Variants in DNAAF11 observed in about 807,000 individuals in gnomAD.
DNAAF11 encodes the protein dynein axonemal assembly factor 11.
A neutral mutation model predicts 60.8 loss-of-function variants in DNAAF11; 45 were observed. The observed-to-expected ratio is 0.74, with a 90% CI of 0.58 to 0.95. The LOEUF (loss-of-function observed/expected upper bound fraction) is 0.95, where lower values mean the gene tolerates loss of function less well. DNAAF11 is among the 40% of genes least tolerant of loss of function. The pLI, the probability that DNAAF11 is intolerant of heterozygous loss-of-function variation, is 0.00. For missense variants in DNAAF11, 546 were observed against 546.2 expected (o/e 1.00, Z 0.00); for synonymous variants, 191 against 183.5 (o/e 1.04, Z -0.33).
At chr8:132,659,464 C>T (rs982854748) in intron 2 of DNAAF11, among the ~76,000 whole-genome samples, 1 of 152,092 alleles carries the variant, frequency 6.6e-6, no homozygotes, top group Non-Finnish European at 1.5e-5. Flanking sequence ...ATACCATGCT[C>T]CTAATTAGTA....
Position 132,632,976 on chromosome 8 carries a change from C to T in DNAAF11, c.430-13G>A. 6.4e-7 allele frequency: 1 copy of T among 1,572,654 alleles called. No individual in the cohort carries two copies. The highest frequency in any genetic ancestry group is 8.7e-7 in the Non-Finnish European group (1 of 1,144,470). Reference sequence around the variant, plus strand: ...TACCATCCAACCACTTAAAGAAAAACAATAAATATAGTACAATTGTTCAAA... The same window carrying T: ...TACCATCCAACCACTTAAAGAAAAATAATAAATATAGTACAATTGTTCAAA... On this transcript the variant is annotated splice_polypyrimidine_tract_variant and intron_variant, in intron 4 of 11. Transcript: ENST00000620350.
rs1586523226 is a variant in DNAAF11 at position 132,596,231 on chromosome 8, T to G, written c.1141-12452A>C. Among the ~76,000 whole-genome samples the G allele has an allele frequency of 2.0e-5, 3 of 152,210 alleles. No individual in the cohort carries two copies. The South Asian group carries it at 6.2e-4, about 31-fold the overall frequency. On this transcript the variant is annotated intron_variant, in intron 10 of 11. Coordinates refer to ENST00000620350, the MANE Select transcript of DNAAF11 (RefSeq NM_012472.6). ...ATTGATTCTCAGGCCAATAATTTGC[T>G]AATATTTATATTATGAGGAAAATTT...
chr8:132,623,422 A>G (rs1819952587), intron 6 of DNAAF11, among the ~76,000 whole-genome samples: 1 of 152,026 alleles, frequency 6.6e-6, no homozygotes, highest in Admixed American at 6.5e-5. Flanking sequence ...AATTACAAAG[A>G]GCAAAAAAAA....
Position 132,592,511 on chromosome 8 carries a change from A to C in DNAAF11, c.1141-8732T>G, listed in dbSNP as rs142298399. 1.1e-3 allele frequency among the ~76,000 whole-genome samples: 169 copies of C among 152,272 alleles called. 1 individual carries two copies. The highest frequency in any genetic ancestry group is 3.9e-3 in the African/African-American group (161 of 41,576). On this transcript the variant is annotated intron_variant, in intron 10 of 11. Transcript: ENST00000620350. ...CAGTAGGAGCTGAGGTTGTGGATGTAAGCAGGGTCTACAGCATGCAGGAAT... is the reference window on the plus strand; with the variant it reads ...CAGTAGGAGCTGAGGTTGTGGATGTCAGCAGGGTCTACAGCATGCAGGAAT...
At chr8:132,677,704 A>C (rs1825809451), upstream of DNAAF11, among the ~76,000 whole-genome samples, 1 of 152,044 alleles carries the variant, frequency 6.6e-6, no homozygotes, top group Admixed American at 6.5e-5. Context: ...TGATCACTGC[A>C]CTCCATCCTG....
At chr8:132,693,930 C>T in the DNAAF11 span, among the ~76,000 whole-genome samples, 1 of 152,234 alleles carries the variant, frequency 6.6e-6, no homozygotes, top group South Asian at 2.1e-4. Flanking sequence ...AGAACTTTGG[C>T]TTTTCCTTGA....
At chr8:132,684,973 C>A in the DNAAF11 span, 1 of 152,176 alleles carries the variant, frequency 6.6e-6, no homozygotes, top group East Asian at 1.9e-4. Flanking sequence ...CACACATTTC[C>A]ACACAATGAA....
Position 132,583,562 on chromosome 8 carries a change from C to G in DNAAF11, c.1226+132G>C. 2.9e-6 allele frequency: 2 copies of G among 700,754 alleles called. 1 individual carries two copies. The highest frequency in any genetic ancestry group is 3.7e-5 in the South Asian group (2 of 54,394). The allele number at this position is 700,754 out of a possible 1,614,324, so 43.4% of individuals were successfully genotyped here. On this transcript the variant is annotated intron_variant, in intron 11 of 11. Transcript: ENST00000620350. Reference sequence around the variant, plus strand: ...AAGAGTCTACGGTTTGGGAAATAAACATTAACATTCATGGTATGAATCATC... The same window carrying G: ...AAGAGTCTACGGTTTGGGAAATAAAGATTAACATTCATGGTATGAATCATC...
intron 3 of DNAAF11, among the ~76,000 whole-genome samples, chr8:132,651,472 C>A (rs899195420): frequency 1.3e-5 from 2 of 151,990 alleles, no homozygotes; most frequent in Non-Finnish European, 2.9e-5. Flanking sequence ...TCCCACTATC[C>A]CCCTCCACCG....
the DNAAF11 span, among the ~76,000 whole-genome samples, chr8:132,700,442 T>A: frequency 1.3e-5 from 2 of 151,834 alleles, no homozygotes; most frequent in African/African-American, 4.8e-5. Context: ...TCCCAACGTT[T>A]TGGGAGGCTG....
chr8:132,592,182 G>A (rs1816534847), intron 10 of DNAAF11, among the ~76,000 whole-genome samples: 1 of 152,066 alleles, frequency 6.6e-6, no homozygotes, highest in Non-Finnish European at 1.5e-5. Context: ...CTTGTTTCAG[G>A]GAGCTTATGG....
intron 3 of DNAAF11, among the ~76,000 whole-genome samples, chr8:132,644,780 G>C (rs962537285): frequency 6.6e-6 from 1 of 152,204 alleles, no homozygotes; most frequent in Non-Finnish European, 1.5e-5. Context: ...CAGCAAGGCT[G>C]GGGGAGGGAC....
intron 3 of DNAAF11, among the ~76,000 whole-genome samples, chr8:132,655,728 T>G (rs779373333): frequency 2.3e-5 from 3 of 129,254 alleles, no homozygotes; most frequent in African/African-American, 1.1e-4. Context: ...TCAACATCAT[T>G]AATCATAAGG....
intron 10 of DNAAF11, among the ~76,000 whole-genome samples, chr8:132,588,234 C>T (rs1392165055): frequency 1.3e-5 from 2 of 152,134 alleles, no homozygotes; most frequent in Non-Finnish European, 2.9e-5. Context: ...AAACATGCTA[C>T]TTGTAAATTA....
intron 1 of DNAAF11, among the ~76,000 whole-genome samples, chr8:132,672,509 C>T (rs767295199): frequency 9.3e-4 from 141 of 152,302 alleles, no homozygotes; most frequent in African/African-American, 3.2e-3. Flanking sequence ...CACAAGAGTG[C>T]GGGCTCTGCT....
chr8:132,574,487 C>T (rs1262831394), intron 11 of DNAAF11, among the ~76,000 whole-genome samples: 2 of 152,132 alleles, frequency 1.3e-5, no homozygotes, highest in African/African-American at 4.8e-5. Flanking sequence ...TAATGAGCTT[C>T]CCTGATGGAC....
chr8:132,576,047 A>T (rs889841766), intron 11 of DNAAF11, among the ~76,000 whole-genome samples: 2 of 152,198 alleles, frequency 1.3e-5, no homozygotes, highest in Non-Finnish European at 2.9e-5. Context: ...ATACTCAAGC[A>T]GTAGGGAGTG....
At chr8:132,657,198 T>C (rs964397646) in intron 2 of DNAAF11, among the ~76,000 whole-genome samples, 12 of 151,974 alleles carry the variant, frequency 7.9e-5, no homozygotes, top group African/African-American at 2.7e-4. Context: ...CAATCCAATC[T>C]CTCTTGCTAG....
At chr8:132,654,194 A>T (rs927825761) in intron 3 of DNAAF11, among the ~76,000 whole-genome samples, 1 of 152,074 alleles carries the variant, frequency 6.6e-6, no homozygotes, top group Non-Finnish European at 1.5e-5. Flanking sequence ...ACATTTTATA[A>T]TAATAATAAC....
Sources: allele counts gnomAD v4.1 joint callset (sites outside exome capture counted in the v4.1 genomes callset), GRCh38; gene constraint gnomAD v4.1.1; transcripts MANE v1.5; gene names NCBI Gene and HGNC (gene_info 2026-07-23, HGNC 2026-07-21).